The following ARHGAP15 variants were observed in gnomAD, a reference collection of about 807,000 sequenced individuals.
The protein encoded by ARHGAP15 is Rho GTPase activating protein 15.
A neutral mutation model predicts 63.7 loss-of-function variants in ARHGAP15; 51 were observed. The observed-to-expected ratio is 0.80, with a 90% CI of 0.64 to 1.01. The LOEUF (loss-of-function observed/expected upper bound fraction) is 1.01, where lower values mean the gene tolerates loss of function less well. ARHGAP15 is among the 50% of genes least tolerant of loss of function. The pLI is 0.00. For missense variants in ARHGAP15, 560 were observed against 564.6 expected (o/e 0.99, Z 0.08); for synonymous variants, 191 against 193.8 (o/e 0.99, Z 0.12).
chr2:143,304,363 C>T (rs1683069520), intron 6 of ARHGAP15, among the ~76,000 whole-genome samples: 1 of 151,994 alleles, frequency 6.6e-6, no homozygotes, highest in African/African-American at 2.4e-5. Context: ...GACAAAAAAC[C>T]AAACACCGCA....
At chr2:143,203,779 G>A (rs1692219462) in intron 3 of ARHGAP15, among the ~76,000 whole-genome samples, 1 of 151,684 alleles carries the variant, frequency 6.6e-6, no homozygotes, top group South Asian at 2.1e-4. Context: ...TTTTCTGTCT[G>A]TAGGAATTTC....
At chr2:143,379,485 A>ATGTGTG (rs1234683861) in intron 6 of ARHGAP15, among the ~76,000 whole-genome samples, 84 of 90,186 alleles carry the variant, frequency 9.3e-4, no homozygotes, top group South Asian at 5.9e-3. Context: ...TTAGGCATAT[A>ATGTGTG]TATGTGTGTG....
At chr2:143,424,116 C>T (rs938646731) in intron 6 of ARHGAP15, among the ~76,000 whole-genome samples, 6 of 152,034 alleles carry the variant, frequency 3.9e-5, no homozygotes, top group East Asian at 1.9e-4. Flanking sequence ...TCAAATCACT[C>T]GTGGAGCTCT....
At chr2:143,571,451 G>A (rs1441773270) in intron 11 of ARHGAP15, among the ~76,000 whole-genome samples, 1 of 152,176 alleles carries the variant, frequency 6.6e-6, no homozygotes, top group Non-Finnish European at 1.5e-5. Context: ...GAATTTGAAT[G>A]AGTTGCTAAG....
chr2:143,465,023 A>G (rs1691134303), intron 8 of ARHGAP15, among the ~76,000 whole-genome samples: 1 of 152,130 alleles, frequency 6.6e-6, no homozygotes, highest in Non-Finnish European at 1.5e-5. Context: ...TCACTCTTTA[A>G]GTGTTGAGAC....
chr2:143,642,873 A>C (rs1680674901), intron 12 of ARHGAP15, among the ~76,000 whole-genome samples: 1 of 152,078 alleles, frequency 6.6e-6, no homozygotes, highest in African/African-American at 2.4e-5. Flanking sequence ...AAAGTGAGGA[A>C]TTGGGGTTGA....
chr2:143,188,410 C>A (rs1017122459), intron 2 of ARHGAP15, among the ~76,000 whole-genome samples: 1 of 151,630 alleles, frequency 6.6e-6, no homozygotes, highest in Non-Finnish European at 1.5e-5. Flanking sequence ...AACAAAATTG[C>A]CAAATATCTA....
chr2:143,635,275 A>G (rs936911110), intron 12 of ARHGAP15, among the ~76,000 whole-genome samples: 5 of 125,326 alleles, frequency 4.0e-5, no homozygotes, highest in Non-Finnish European at 7.9e-5. Flanking sequence ...CTGGTCTCGA[A>G]CTCCCGGACT....
chr2:143,646,908 T>C (rs1680906423), intron 12 of ARHGAP15, among the ~76,000 whole-genome samples: 1 of 151,956 alleles, frequency 6.6e-6, no homozygotes, highest in African/African-American at 2.4e-5. Context: ...AGAGTAGCAA[T>C]TGGGTTAAGA....
intron 6 of ARHGAP15, among the ~76,000 whole-genome samples, chr2:143,315,000 C>T (rs755568871): frequency 6.6e-6 from 1 of 152,120 alleles, no homozygotes; most frequent in African/African-American, 2.4e-5. Context: ...TATATATGTA[C>T]GTATCTTTAT....
intron 9 of ARHGAP15, among the ~76,000 whole-genome samples, chr2:143,511,244 G>A (rs1209577135): frequency 6.6e-6 from 1 of 152,286 alleles, no homozygotes; most frequent in Admixed American, 6.5e-5. Flanking sequence ...GCAGTCATGT[G>A]GAGGGTCTAT....
intron 2 of ARHGAP15, among the ~76,000 whole-genome samples, chr2:143,199,540 C>A (rs568016745): frequency 1.0e-3 from 153 of 152,008 alleles, no homozygotes; most frequent in Non-Finnish European, 1.9e-3. Flanking sequence ...TTCATCCCTC[C>A]GTAGGGCCTT....
chr2:143,278,872 T>C (rs528539669), intron 6 of ARHGAP15, among the ~76,000 whole-genome samples: 70 of 150,766 alleles, frequency 4.6e-4, no homozygotes, highest in African/African-American at 1.4e-3. Flanking sequence ...TTCTTTCTTT[T>C]TTTTTTTTTT....
At chr2:143,618,950 G>A (rs926464228) in intron 11 of ARHGAP15, among the ~76,000 whole-genome samples, 7 of 151,622 alleles carry the variant, frequency 4.6e-5, no homozygotes, top group African/African-American at 7.3e-5. Flanking sequence ...TCAGCCTCCC[G>A]AGTAGCTGGG....
intron 6 of ARHGAP15, among the ~76,000 whole-genome samples, chr2:143,292,379 T>C (rs1418135799): frequency 1.3e-5 from 2 of 152,156 alleles, no homozygotes; most frequent in African/African-American, 4.8e-5. Flanking sequence ...TTGATCCATT[T>C]ATACCTTGAA....
In ARHGAP15 at chr2:143,755,716, C is replaced by T. The variant is rs1479760442; in HGVS notation, c.1245-12273C>T. 2.6e-5 allele frequency among the ~76,000 whole-genome samples: 4 copies of T among 152,222 alleles called. No homozygotes were observed. In the East Asian group the frequency reaches 5.8e-4, roughly 22 times the overall value. On this transcript the variant is annotated intron_variant, in intron 13 of 13. Coordinates refer to ENST00000295095, the MANE Select transcript of ARHGAP15 (RefSeq NM_018460.4). ...ACTGGCCAGGTGTGGTGGCTCACAC[C>T]TGTAATCCCAGCACTTTGGAGGGCC...
chr2:143,509,261 T>A (rs1250273307), intron 9 of ARHGAP15, among the ~76,000 whole-genome samples: 1 of 151,894 alleles, frequency 6.6e-6, no homozygotes, highest in Non-Finnish European at 1.5e-5. Context: ...ATTTGGTAAC[T>A]CCTATTTATT....
chr2:143,216,056 G>A lies in ARHGAP15; in HGVS notation c.235-328G>A, dbSNP rs148747953. 4.8e-3 allele frequency among the ~76,000 whole-genome samples: 729 copies of A among 152,278 alleles called. 7 individuals are homozygous for A. The highest frequency in any genetic ancestry group is 0.017 in the African/African-American group (699 of 41,548). On this transcript the variant is annotated intron_variant, in intron 3 of 13. Transcript: ENST00000295095. ...TTCTAAGGATACTTGGTAAAATAAA[G>A]GAAGGCATTCAATTTGTCTTTCTTT...
At chr2:143,181,946 A>AT (rs371579129) in intron 2 of ARHGAP15, among the ~76,000 whole-genome samples, 88,154 of 145,124 alleles carry the variant, frequency 0.61, 27,312 homozygotes, top group South Asian at 0.76. Context: ...CTAGCTTTTG[A>AT]TTTTTTTTTT....
Sources: allele counts gnomAD v4.1 joint callset (sites outside exome capture counted in the v4.1 genomes callset), GRCh38; gene constraint gnomAD v4.1.1; transcripts MANE v1.5; gene names NCBI Gene and HGNC (gene_info 2026-07-23, HGNC 2026-07-21).